ADGRE1: variants seen among roughly 807,000 people sequenced by gnomAD.
ADGRE1 encodes EGF-like module receptor 1.
Under a neutral mutation model 102.7 loss-of-function variants are expected in ADGRE1, and 82 were observed. The observed-to-expected ratio is 0.80, with a 90% CI of 0.67 to 0.96. The LOEUF (loss-of-function observed/expected upper bound fraction) is 0.96, where lower values mean the gene tolerates loss of function less well. ADGRE1 is among the 40% of genes least tolerant of loss of function. The pLI, the probability that ADGRE1 is intolerant of heterozygous loss-of-function variation, is 0.00. For missense variants in ADGRE1, 1,032 were observed against 1,085.3 expected (o/e 0.95, Z 0.69); for synonymous variants, 398 against 399.6 (o/e 1.00, Z 0.05).
chr19:6,928,047 C>T, intron 16 of ADGRE1, 98 bp from the exon 17 acceptor site: 1 of 1,434,446 alleles, frequency 7.0e-7, no homozygotes, highest in South Asian at 1.4e-5. Context: ...AGTCTCACCT[C>T]CCAGTGTTCT....
At chr19:6,907,184 C>A (rs406559) in intron 9 of ADGRE1, among the ~76,000 whole-genome samples, 45,688 of 151,702 alleles carry the variant, frequency 0.3, 7,269 homozygotes, top group East Asian at 0.47. Context: ...TGGCTATGGG[C>A]TTCCCACATG....
In ADGRE1 at chr19:6,896,432, T is replaced by C. The variant is rs751816697; in HGVS notation, c.129T>C (p.Ala43=). The stretch of plus-strand genomic sequence containing the variant: ...GTAGAGACAGTACCTTGTGCCCAGC[T>C]TATGCCACCTGCACCAATACAGTGG... ...NNCRDSTLCP[A]YATCTNTVDS... The change falls in exon 3 of 21, where the codon GCT becomes GCC. Residue 43 remains alanine, a synonymous_variant. Coordinates refer to ENST00000312053, the MANE Select transcript of ADGRE1 (RefSeq NM_001974.5). The C allele has an allele frequency of 2.5e-6, 4 of 1,614,150 alleles. No homozygotes were observed. In the East Asian group the frequency reaches 8.9e-5, roughly 36 times the overall value.
intron 11 of ADGRE1, among the ~76,000 whole-genome samples, chr19:6,915,322 G>C: frequency 6.6e-6 from 1 of 152,100 alleles, no homozygotes. Context: ...TTTATTTGAA[G>C]ATGAAAGGAC....
rs968051546 is a variant in ADGRE1, at chr19:6,940,247, G to A, written c.*218G>A. ...TGCTCCAAACGACCATTTTATCTTC[G>A]TGCTCTGCAACTTCTTCAATTCCAG... On this transcript the variant is annotated 3_prime_UTR_variant, in exon 21 of 21. Coordinates refer to ENST00000312053, the MANE Select transcript of ADGRE1 (RefSeq NM_001974.5). 4 of 600,800 alleles carry A rather than the reference G, an allele frequency of 6.7e-6. No homozygotes were observed. Among genetic ancestry groups the A allele is most frequent in the East Asian group, 2.8e-5 (1 of 35,910 alleles). 37.2% of individuals were successfully genotyped at this position (600,800 alleles called of 1,614,324 possible).
intron 3 of ADGRE1, 105 bp downstream of exon 3, chr19:6,896,646 A>C (rs1599714692): frequency 7.5e-7 from 1 of 1,328,214 alleles, no homozygotes; most frequent in East Asian, 2.5e-5. Flanking sequence ...TTTTTTTTTA[A>C]ATCTGGTTTA....
At chr19:6,930,372 C>G (rs555673228) in intron 17 of ADGRE1, among the ~76,000 whole-genome samples, 4 of 152,298 alleles carry the variant, frequency 2.6e-5, no homozygotes, top group Middle Eastern at 3.4e-3. Context: ...GATGATGATT[C>G]TTCTGACTCT....
At position 6,897,225 on chromosome 19, in the gene ADGRE1, G is replaced by A. The variant is rs577197740; in HGVS notation, c.315G>A (p.Lys105=). The change falls in exon 4 of 21, where the codon AAG becomes AAA. Residue 105 remains lysine (K), a synonymous_variant. Transcript: ENST00000312053. ...GCAAAAACCTGTCAGGGAGGTACAAGTGCAGCTGTTTAGATGGTTTCTCTT... is the reference window on the plus strand; with the variant it reads ...GCAAAAACCTGTCAGGGAGGTACAAATGCAGCTGTTTAGATGGTTTCTCTT... ...SSCKNLSGRY[K]CSCLDGFSSP... 1 of 1,613,780 alleles carries A rather than the reference G, an allele frequency of 6.2e-7. No homozygotes were observed. Among genetic ancestry groups the A allele is most frequent in the Non-Finnish European group, 8.5e-7 (1 of 1,179,972 alleles).
At chr19:6,905,900 C>T (rs545400714) in intron 8 of ADGRE1, among the ~76,000 whole-genome samples, 2 of 152,180 alleles carry the variant, frequency 1.3e-5, no homozygotes, top group African/African-American at 4.8e-5. Flanking sequence ...CTCCTTGTAT[C>T]CTCCTTAGAC....
chr19:6,911,227 G>A (rs181565851), intron 10 of ADGRE1, among the ~76,000 whole-genome samples: 6 of 152,114 alleles, frequency 3.9e-5, no homozygotes, highest in East Asian at 1.9e-4. Flanking sequence ...CGCTTACCCC[G>A]TGTTTATTGA....
chr19:6,901,227 C>G (rs944843557), intron 5 of ADGRE1, among the ~76,000 whole-genome samples: 1 of 152,182 alleles, frequency 6.6e-6, no homozygotes, highest in African/African-American at 2.4e-5. Flanking sequence ...GAATGCAGTC[C>G]TCAGCTGTAT....
At chr19:6,911,883 T>G (rs1346593230) in intron 10 of ADGRE1, among the ~76,000 whole-genome samples, 1 of 149,152 alleles carries the variant, frequency 6.7e-6, no homozygotes, top group Non-Finnish European at 1.5e-5. Context: ...CACACACATT[T>G]ACACACATAC....
At chr19:6,895,859 A>G (rs1345869261) in intron 2 of ADGRE1, 1 of 152,342 alleles carries the variant, frequency 6.6e-6, no homozygotes, top group Non-Finnish European at 1.5e-5. Context: ...TTTGAGGTAC[A>G]TGGTTAAATA....
At chr19:6,890,572 C>T in intron 2 of ADGRE1, 29 bp downstream of exon 2, 1 of 1,606,338 alleles carries the variant, frequency 6.2e-7, no homozygotes, top group South Asian at 1.1e-5. Flanking sequence ...ATGCAGATGC[C>T]TGAAGGGGTA....
chr19:6,892,023 G>A (rs1247889295), intron 2 of ADGRE1, among the ~76,000 whole-genome samples: 2 of 152,104 alleles, frequency 1.3e-5, no homozygotes, highest in East Asian at 1.9e-4. Context: ...CACAAGACCG[G>A]GTTGTTACTC....
chr19:6,917,171 G>A (rs944457737), intron 12 of ADGRE1, among the ~76,000 whole-genome samples: 4 of 152,204 alleles, frequency 2.6e-5, no homozygotes, highest in African/African-American at 9.6e-5. Context: ...AAAAGTAGGT[G>A]ACAACCAGAT....
At chr19:6,932,270 C>T (rs1975187876) in intron 17 of ADGRE1, among the ~76,000 whole-genome samples, 1 of 152,062 alleles carries the variant, frequency 6.6e-6, no homozygotes, top group East Asian at 1.9e-4. Flanking sequence ...AGATCGAGAC[C>T]ATCCTGGCTA....
At position 6,937,585 on chromosome 19, in the gene ADGRE1, G is replaced by A. The variant is rs1199565414; in HGVS notation, c.2592G>A (p.Lys864=). ...AGAGGTGGATCACTGGGAAGACGAA[G>A]CCCAGCTCCCAGTCCCAGACCTCAA... ...EYKRWITGKT[K]PSSQSQTSRI... The change falls in exon 20 of 21, where the codon AAG becomes AAA. Residue 864 remains lysine (K), a synonymous_variant. Transcript: ENST00000312053. The A allele has an allele frequency of 2.5e-6, 4 of 1,614,074 alleles. No individual in the cohort carries two copies. Among genetic ancestry groups the A allele is most frequent in the Non-Finnish European group, 3.4e-6 (4 of 1,180,010 alleles).
At position 6,904,656 on chromosome 19, in the gene ADGRE1, C is replaced by A. The variant is rs564708919; in HGVS notation, c.949+474C>A. Among the ~76,000 whole-genome samples, 54 of 152,028 alleles carry A rather than the reference C, an allele frequency of 3.6e-4. 1 individual carries two copies. The highest frequency in any genetic ancestry group is 1.3e-3 in the African/African-American group (52 of 41,474). Reference sequence around the variant, plus strand: ...GAGTAGCTGGGACTACAGGCGCCCGCCACCACGCCTGGCTAATATTTTTGT... The same window carrying A: ...GAGTAGCTGGGACTACAGGCGCCCGACACCACGCCTGGCTAATATTTTTGT... On this transcript the variant is annotated intron_variant, in intron 8 of 20. Coordinates refer to ENST00000312053, the MANE Select transcript of ADGRE1 (RefSeq NM_001974.5).
intron 10 of ADGRE1, among the ~76,000 whole-genome samples, chr19:6,911,601 A>G (rs1817284967): frequency 6.7e-6 from 1 of 149,472 alleles, no homozygotes; most frequent in African/African-American, 2.4e-5. Flanking sequence ...ACACACATAC[A>G]CACATATACA....
Sources: allele counts gnomAD v4.1 joint callset (sites outside exome capture counted in the v4.1 genomes callset), GRCh38; gene constraint gnomAD v4.1.1; transcripts MANE v1.5; gene names NCBI Gene and HGNC (gene_info 2026-07-23, HGNC 2026-07-21).